ATG7: variants seen among roughly 807,000 people sequenced by gnomAD.
ATG7 encodes the protein ubiquitin-like modifier-activating enzyme ATG7.
Under a neutral mutation model 82.4 loss-of-function variants are expected in ATG7, and 70 were observed. The ratio of observed to expected loss-of-function variants is 0.85; its 90% CI spans 0.70 to 1.04. The LOEUF (loss-of-function observed/expected upper bound fraction) is 1.04, where lower values mean the gene tolerates loss of function less well. ATG7 is among the 50% of genes least tolerant of loss of function. The pLI, the probability that ATG7 is intolerant of heterozygous loss-of-function variation, is 0.00. For synonymous variants in ATG7, 287 were observed against 313.0 expected, an observed-to-expected ratio of 0.92 and a Z score of 0.88; for missense variants, 792 against 864.3, an observed-to-expected ratio of 0.92 and a Z score of 1.05.
At chr3:11,392,463 A>C (rs1559526377) in intron 19 of ATG7, among the ~76,000 whole-genome samples, 1 of 148,420 alleles carries the variant, frequency 6.7e-6, no homozygotes, top group Non-Finnish European at 1.5e-5. Context: ...AATCATTAAA[A>C]AAACAAACAA....
At chr3:11,488,099 A>G (rs1448510474) in intron 20 of ATG7, among the ~76,000 whole-genome samples, 1 of 18,304 alleles carries the variant, frequency 5.5e-5, no homozygotes, top group South Asian at 1.4e-3. Context: ...GCGGCTGGGA[A>G]GAGGCGCTCC....
chr3:11,358,785 A>G (rs960471872), intron 15 of ATG7, among the ~76,000 whole-genome samples, 173 bp downstream of exon 15: 7 of 152,154 alleles, frequency 4.6e-5, no homozygotes, highest in Non-Finnish European at 7.4e-5. Flanking sequence ...CCATCACCCA[A>G]TGTAATAAGT....
In ATG7 at chr3:11,440,323, C is replaced by CTTTTT. The variant is rs59365367; in HGVS notation, c.2079+13412_2079+13416dup. Among the ~76,000 whole-genome samples the CTTTTT allele has an allele frequency of 4.2e-3, 477 of 113,786 alleles. 7 individuals carry two copies. The highest frequency in any genetic ancestry group is 5.7e-3 in the Non-Finnish European group (337 of 59,262). 74.6% of individuals were successfully genotyped at this position (113,786 alleles called of 152,430 possible). ...AAGTCCTTTCTTTCTGGCCTTTACT[C>CTTTTT]TTTTTTTTTTTTTTTTTTTGAGACG... On this transcript the variant is annotated intron_variant, in intron 20 of 20. Transcript: ENST00000693202.
At chr3:11,538,053 C>A (rs1462877653) in intron 20 of ATG7, among the ~76,000 whole-genome samples, 1 of 148,110 alleles carries the variant, frequency 6.8e-6, no homozygotes, top group Non-Finnish European at 1.5e-5. Context: ...TCCAGATGAC[C>A]CCTGTTGTCC....
intron 19 of ATG7, among the ~76,000 whole-genome samples, chr3:11,386,494 T>A (rs564304383): frequency 3.3e-4 from 51 of 152,302 alleles, no homozygotes; most frequent in Non-Finnish European, 5.6e-4. Flanking sequence ...TCAGATTTGA[T>A]AGGGTTTTAA....
intron 20 of ATG7, among the ~76,000 whole-genome samples, chr3:11,445,173 A>C (rs2084408307): frequency 6.6e-6 from 1 of 152,190 alleles, no homozygotes; most frequent in Non-Finnish European, 1.5e-5. Context: ...AAACAGAAAT[A>C]CCATTTGACC....
intron 19 of ATG7, among the ~76,000 whole-genome samples, chr3:11,384,534 G>T (rs1304168901): frequency 6.6e-6 from 1 of 152,196 alleles, no homozygotes; most frequent in African/African-American, 2.4e-5. Flanking sequence ...TAGGGTAAGG[G>T]TTAGGTAGGA....
intron 20 of ATG7, among the ~76,000 whole-genome samples, chr3:11,484,512 A>C (rs1167656987): frequency 1.3e-5 from 2 of 152,220 alleles, no homozygotes; most frequent in Non-Finnish European, 2.9e-5. Flanking sequence ...TGGCACATCT[A>C]GCAGATTCTT....
Position 11,411,619 on chromosome 3 carries a change from CAAAAAAAAAAAAA to C in ATG7, c.1957-15168_1957-15156del, listed in dbSNP as rs71055868. 3.2e-3 allele frequency among the ~76,000 whole-genome samples: 230 copies of C among 71,770 alleles called. 3 individuals are homozygous for C. Among genetic ancestry groups the C allele is most frequent in the Non-Finnish European group, 5.2e-3 (177 of 34,100 alleles). 47.1% of individuals were successfully genotyped at this position (71,770 alleles called of 152,430 possible). A position where few individuals can be genotyped will look rare whatever the true frequency, so the allele number is the denominator to read the frequency against. On this transcript the variant is annotated intron_variant, in intron 19 of 20. Transcript: ENST00000693202. ...TGGTGACACAGCAAGACTCTGTCTC[CAAAAAAAAAAAAA>C]AAAAAAAAAAAAAAAATTCTTATCA...
At chr3:11,528,495 T>G (rs57829258) in intron 20 of ATG7, among the ~76,000 whole-genome samples, 2,564 of 152,222 alleles carry the variant, frequency 0.017, 82 homozygotes, top group African/African-American at 0.059. Context: ...CAGTCTGACA[T>G]AGAGTCTACC....
intron 20 of ATG7, among the ~76,000 whole-genome samples, chr3:11,546,776 A>G (rs1231048450): frequency 1.3e-5 from 2 of 152,166 alleles, no homozygotes; most frequent in African/African-American, 2.4e-5. Context: ...TCTTCCCCTA[A>G]TGCAGAGTGG....
Position 11,376,986 on chromosome 3 carries a change from T to G in ATG7, c.1876-2986T>G, listed in dbSNP as rs148497413. Reference sequence around the variant, plus strand: ...GATCTCCTGACCTCATCATCCGCCCTCCTCGGCCTCCCAAAGTGCTGGGAT... The same window carrying G: ...GATCTCCTGACCTCATCATCCGCCCGCCTCGGCCTCCCAAAGTGCTGGGAT... On this transcript the variant is annotated intron_variant, in intron 18 of 20. Transcript: ENST00000693202. Among the ~76,000 whole-genome samples the G allele has an allele frequency of 6.8e-4, 103 of 152,162 alleles. 1 individual carries two copies. Among genetic ancestry groups the G allele is most frequent in the African/African-American group, 2.4e-3 (99 of 41,546 alleles).
intron 19 of ATG7, among the ~76,000 whole-genome samples, chr3:11,410,298 T>C (rs536829722): frequency 6.6e-6 from 1 of 152,308 alleles, no homozygotes; most frequent in South Asian, 2.1e-4. Context: ...TACCTAGGTA[T>C]TTTTGGGTGT....
chr3:11,421,288 T>C (rs1293214163), intron 19 of ATG7, among the ~76,000 whole-genome samples: 3 of 152,176 alleles, frequency 2.0e-5, no homozygotes, highest in African/African-American at 7.2e-5. Flanking sequence ...TGCTGTTTGA[T>C]AGCATTTTAC....
At chr3:11,380,735 C>T (rs2077830768) in intron 19 of ATG7, among the ~76,000 whole-genome samples, 1 of 152,184 alleles carries the variant, frequency 6.6e-6, no homozygotes, top group African/African-American at 2.4e-5. Flanking sequence ...TTGACCTGGG[C>T]TTTTAAGGCT....
At chr3:11,408,860 A>G (rs1410863833) in intron 19 of ATG7, among the ~76,000 whole-genome samples, 1 of 152,166 alleles carries the variant, frequency 6.6e-6, no homozygotes, top group East Asian at 1.9e-4. Context: ...CAGCAAATCC[A>G]TATTAGTCTC....
chr3:11,376,302 C>T (rs1398715369), intron 18 of ATG7, among the ~76,000 whole-genome samples: 1 of 152,148 alleles, frequency 6.6e-6, no homozygotes, highest in Admixed American at 6.5e-5. Context: ...CTGAGCTGTA[C>T]AGTTTAAAAG....
At chr3:11,567,362 C>A in the ATG7 span, among the ~76,000 whole-genome samples, 1 of 152,068 alleles carries the variant, frequency 6.6e-6, no homozygotes. Context: ...TGTACAGGAC[C>A]CAGTATTCGT....
At chr3:11,510,280 C>T (rs966555237) in intron 20 of ATG7, 5 of 456,516 alleles carry the variant, frequency 1.1e-5, no homozygotes, top group African/African-American at 1.0e-4. Flanking sequence ...AAATAGATCT[C>T]TACCAGCTCT....
Sources: allele counts gnomAD v4.1 joint callset (sites outside exome capture counted in the v4.1 genomes callset), GRCh38; gene constraint gnomAD v4.1.1; transcripts MANE v1.5; gene names NCBI Gene and HGNC (gene_info 2026-07-23, HGNC 2026-07-21).